Variants in FAM81B observed in about 807,000 individuals in gnomAD.
FAM81B encodes family with sequence similarity 81 member B, also known as protein FAM81B.
FAM81B carries 60 observed loss-of-function variants against 58.7 expected under a neutral mutation model. That is an observed-to-expected ratio of 1.02 (90% CI 0.83 to 1.27). FAM81B has a LOEUF of 1.27. FAM81B is among the 50% of genes most tolerant of loss of function. FAM81B has a pLI of 0.00. For synonymous variants in FAM81B, 189 were observed against 179.6 expected, an observed-to-expected ratio of 1.05 and a Z score of -0.42; for missense variants, 491 against 522.0, an observed-to-expected ratio of 0.94 and a Z score of 0.58.
intron 6 of FAM81B, among the ~76,000 whole-genome samples, chr5:95,435,800 C>G (rs987401832): frequency 6.6e-6 from 1 of 151,994 alleles, no homozygotes; most frequent in Non-Finnish European, 1.5e-5. Flanking sequence ...TTTTCCTTTG[C>G]CTTTACCTGT....
intron 3 of FAM81B, among the ~76,000 whole-genome samples, chr5:95,413,609 TTTATAG>T (rs1186611968): frequency 6.6e-6 from 1 of 152,188 alleles, no homozygotes; most frequent in Non-Finnish European, 1.5e-5. Context: ...CTTTTGCATC[TTTATAG>T]TTATAAAAAC....
intron 9 of FAM81B, among the ~76,000 whole-genome samples, chr5:95,449,687 T>C (rs1237530629): frequency 1.3e-5 from 2 of 152,104 alleles, no homozygotes; most frequent in Non-Finnish European, 2.9e-5. Flanking sequence ...ATAAGAGAGA[T>C]ACAAAGTGCT....
chr5:95,449,292 G>A (rs1008077729), intron 9 of FAM81B, among the ~76,000 whole-genome samples: 14 of 152,102 alleles, frequency 9.2e-5, no homozygotes, highest in Non-Finnish European at 2.1e-4. Flanking sequence ...TTGCTGCCTG[G>A]AAATTCAACC....
intron 5 of FAM81B, among the ~76,000 whole-genome samples, chr5:95,425,978 T>C (rs1320257806): frequency 6.6e-6 from 1 of 150,932 alleles, no homozygotes; most frequent in Non-Finnish European, 1.5e-5. Flanking sequence ...ATTTCTTCAT[T>C]TCTCACTACA....
Position 95,428,590 on chromosome 5 carries a change from A to G in FAM81B, c.657-13A>G, listed in dbSNP as rs777857392. 3 of 1,613,676 alleles carry G rather than the reference A, an allele frequency of 1.9e-6. No homozygotes were observed. In the South Asian group the frequency reaches 3.3e-5, roughly 18 times the overall value. ...AAGGTATTGATCCACACCAATTTCC[A>G]TCTTGCCATTAGATGTGATTCAAGC... On this transcript the variant is annotated splice_polypyrimidine_tract_variant and intron_variant, in intron 5 of 9. Transcript: ENST00000283357.
intron 6 of FAM81B, among the ~76,000 whole-genome samples, chr5:95,431,980 T>C (rs952559955): frequency 2.0e-5 from 3 of 152,022 alleles, no homozygotes; most frequent in Non-Finnish European, 2.9e-5. Context: ...CAATGTTAGA[T>C]AGTATGTGGG....
intron 3 of FAM81B, 93 bp downstream of exon 3, chr5:95,396,268 A>T (rs992250569): frequency 1.0e-6 from 1 of 959,064 alleles, no homozygotes; most frequent in African/African-American, 1.7e-5. Context: ...GTGTTTAATT[A>T]TTCAGTCAGA....
chr5:95,450,308 T>A lies in FAM81B; in HGVS notation c.*26T>A. The A allele has an allele frequency of 6.2e-7, 1 of 1,608,980 alleles. No individual in the cohort carries two copies. Among genetic ancestry groups the A allele is most frequent in the South Asian group, 1.1e-5 (1 of 89,664 alleles). ...ACCTTTTCAGTCATCTTCTTTTTCA[T>A]CAGCCAATGGAGTGATTTGTTGGAA... is the stretch of plus-strand genomic sequence containing the variant. On this transcript the variant is annotated 3_prime_UTR_variant, in exon 10 of 10. Transcript: ENST00000283357.
chr5:95,430,083 A>G (rs1372252743), intron 6 of FAM81B, among the ~76,000 whole-genome samples: 2 of 152,200 alleles, frequency 1.3e-5, no homozygotes, highest in Non-Finnish European at 2.9e-5. Context: ...CAGTTATTGT[A>G]TAATAATTCA....
intron 7 of FAM81B, among the ~76,000 whole-genome samples, chr5:95,441,658 A>C (rs995646954): frequency 2.6e-5 from 4 of 152,226 alleles, no homozygotes; most frequent in African/African-American, 9.6e-5. Flanking sequence ...AACATTTACA[A>C]ATTCAAGTTT....
chr5:95,405,167 G>A (rs745981777), intron 3 of FAM81B, among the ~76,000 whole-genome samples: 1 of 152,138 alleles, frequency 6.6e-6, no homozygotes, highest in Non-Finnish European at 1.5e-5. Context: ...AATACTGCTG[G>A]GTGTTATTTC....
chr5:95,433,601 T>C (rs1006704469), intron 6 of FAM81B, among the ~76,000 whole-genome samples: 2 of 152,204 alleles, frequency 1.3e-5, no homozygotes, highest in Non-Finnish European at 2.9e-5. Flanking sequence ...AATTTTAATA[T>C]ATGTAAGTTT....
At chr5:95,438,710 A>G (rs1250924887) in intron 7 of FAM81B, among the ~76,000 whole-genome samples, 1 of 151,894 alleles carries the variant, frequency 6.6e-6, no homozygotes, top group East Asian at 1.9e-4. Flanking sequence ...AATTCTAATA[A>G]TTCATTTAGT....
intron 3 of FAM81B, among the ~76,000 whole-genome samples, chr5:95,404,743 C>T (rs528486555): frequency 2.0e-5 from 3 of 152,160 alleles, no homozygotes; most frequent in Non-Finnish European, 2.9e-5. Flanking sequence ...TGTTGGGGGA[C>T]TGTGCAGAAC....
At chr5:95,449,973 G>C (rs1745736055) in intron 9 of FAM81B, among the ~76,000 whole-genome samples, 176 bp from the exon 10 acceptor site, 2 of 152,170 alleles carry the variant, frequency 1.3e-5, no homozygotes, top group African/African-American at 4.8e-5. Flanking sequence ...ATTGTGAATG[G>C]ATCTTCATGA....
chr5:95,439,137 G>A (rs1330461401), intron 7 of FAM81B, among the ~76,000 whole-genome samples: 1 of 148,330 alleles, frequency 6.7e-6, no homozygotes, highest in East Asian at 2.0e-4. Flanking sequence ...TCTAGTTTAG[G>A]ACTACCACAA....
intron 3 of FAM81B, among the ~76,000 whole-genome samples, chr5:95,409,267 T>A (rs1762345971): frequency 6.6e-6 from 1 of 152,124 alleles, no homozygotes; most frequent in Non-Finnish European, 1.5e-5. Context: ...CAAGTGATTC[T>A]TGTGCCTCTG....
At chr5:95,414,589 A>G (rs6874124) in intron 4 of FAM81B, among the ~76,000 whole-genome samples, 41,873 of 151,934 alleles carry the variant, frequency 0.28, 6,013 homozygotes, top group Non-Finnish European at 0.3. Flanking sequence ...CAATTTCTCT[A>G]GCCCCGTCTT....
chr5:95,424,336 C>A, intron 5 of FAM81B: 2 of 896,562 alleles, frequency 2.2e-6, no homozygotes, highest in Admixed American at 2.4e-5. Context: ...AAAACATAAG[C>A]AAAAGACTAG....
Sources: allele counts gnomAD v4.1 joint callset (sites outside exome capture counted in the v4.1 genomes callset), GRCh38; gene constraint gnomAD v4.1.1; transcripts MANE v1.5; gene names NCBI Gene and HGNC (gene_info 2026-07-23, HGNC 2026-07-21).